Variants in ZNF536 observed in about 807,000 individuals in gnomAD.
The protein encoded by ZNF536 is zinc finger protein 536.
A neutral mutation model predicts 84.5 loss-of-function variants in ZNF536; 13 were observed. The ratio of observed to expected loss-of-function variants is 0.15; its 90% CI spans 0.10 to 0.24. The LOEUF (loss-of-function observed/expected upper bound fraction) is 0.24, where lower values mean the gene tolerates loss of function less well. Among genes scored for constraint, ZNF536 ranks in the 10% least tolerant of loss-of-function variants. The pLI is 1.00. For synonymous variants in ZNF536, 811 were observed against 742.5 expected (o/e 1.09, Z -1.50); for missense variants, 1,536 against 1,747.5 (o/e 0.88, Z 2.16).
At chr19:30,264,591 AT>A (rs548468700) in intron 1 of ZNF536, among the ~76,000 whole-genome samples, 58 of 151,474 alleles carry the variant, frequency 3.8e-4, no homozygotes, top group African/African-American at 9.2e-4. Flanking sequence ...TTTGCGATTA[AT>A]TTTTTTTTGA....
rs139942572 is a variant in ZNF536, at chr19:30,447,147, G to A, written c.2170+1415G>A. Among the ~76,000 whole-genome samples the A allele has an allele frequency of 3.9e-5, 6 of 152,304 alleles. No individual in the cohort carries two copies. In the East Asian group the frequency reaches 1.2e-3, roughly 29 times the overall value. Reference sequence around the variant, plus strand: ...CACTGCCTTGCCCACTGTTAAAGACGTAGCAGCACCCTGTTGAGGGTCATT... The same window carrying A: ...CACTGCCTTGCCCACTGTTAAAGACATAGCAGCACCCTGTTGAGGGTCATT... On this transcript the variant is annotated intron_variant, in intron 2 of 4. Coordinates refer to ENST00000355537, the MANE Select transcript of ZNF536 (RefSeq NM_014717.3).
At chr19:30,513,960 C>G (rs2055525286) in intron 2 of ZNF536, among the ~76,000 whole-genome samples, 1 of 152,184 alleles carries the variant, frequency 6.6e-6, no homozygotes, top group South Asian at 2.1e-4. Context: ...TGGTGAGGGG[C>G]ACGTTGGGTG....
intron 3 of ZNF536, among the ~76,000 whole-genome samples, chr19:30,361,887 A>G (rs2048286053): frequency 6.6e-6 from 1 of 152,210 alleles, no homozygotes; most frequent in Non-Finnish European, 1.5e-5. Flanking sequence ...TTTGTTTGAC[A>G]TAAGACAAAG....
At chr19:30,441,384 C>A (rs1327737875) in intron 1 of ZNF536, among the ~76,000 whole-genome samples, 2 of 152,222 alleles carry the variant, frequency 1.3e-5, no homozygotes, top group Non-Finnish European at 2.9e-5. Context: ...AGAGAGGGTG[C>A]CAGACAGGGC....
At chr19:30,469,839 G>A (rs1040924820) in intron 2 of ZNF536, among the ~76,000 whole-genome samples, 9 of 152,116 alleles carry the variant, frequency 5.9e-5, no homozygotes, top group African/African-American at 2.2e-4. Flanking sequence ...CTCGGTGCAG[G>A]TTGTAGAGGG....
At chr19:30,376,387 C>A (rs999319567) in intron 1 of ZNF536, among the ~76,000 whole-genome samples, 1 of 152,170 alleles carries the variant, frequency 6.6e-6, no homozygotes, top group African/African-American at 2.4e-5. Flanking sequence ...CATAGAGGTG[C>A]CTTGCCATTT....
intron 2 of ZNF536, among the ~76,000 whole-genome samples, chr19:30,308,358 T>G (rs1174206302): frequency 4.6e-5 from 7 of 152,218 alleles, no homozygotes; most frequent in African/African-American, 1.7e-4. Context: ...AACATTTTTT[T>G]TTTCATGTGA....
At chr19:30,363,924 T>C (rs779174612) in intron 3 of ZNF536, among the ~76,000 whole-genome samples, 9 of 152,044 alleles carry the variant, frequency 5.9e-5, no homozygotes, top group Non-Finnish European at 1.0e-4. Flanking sequence ...TTTGCAGATT[T>C]AGGAGGGGGA....
At chr19:30,596,861 A>AG (rs2047483521) in intron 1 of ZNF536, among the ~76,000 whole-genome samples, 1 of 151,028 alleles carries the variant, frequency 6.6e-6, no homozygotes, top group Non-Finnish European at 1.5e-5. Context: ...TTTTAGCTAA[A>AG]AAAAAAAAAA....
At position 30,444,132 on chromosome 19, in the gene ZNF536, G is replaced by T. The variant is rs764660596; in HGVS notation, c.570G>T (p.Gly190=). 61 of 1,607,414 alleles carry T rather than the reference G, an allele frequency of 3.8e-5. No homozygotes were observed. The highest frequency in any genetic ancestry group is 4.9e-5 in the Non-Finnish European group (58 of 1,177,468). ...TGGGCAACCTGGGCAAGGGGCGTGGGCGTGTGCGCGAGGAGAACCGCCTGC... is the reference window on the plus strand; with the variant it reads ...TGGGCAACCTGGGCAAGGGGCGTGGTCGTGTGCGCGAGGAGAACCGCCTGC... ...HKLGNLGKGR[G]RVREENRLLH... The change falls in exon 2 of 5, where the codon GGG becomes GGT. Residue 190 remains glycine (G), a synonymous_variant. Transcript: ENST00000355537.
At chr19:30,670,898 T>A (rs1187480095) in intron 1 of ZNF536, among the ~76,000 whole-genome samples, 1 of 152,222 alleles carries the variant, frequency 6.6e-6, no homozygotes, top group Non-Finnish European at 1.5e-5. Flanking sequence ...GATGAATGAT[T>A]GCCCATTTCA....
intron 2 of ZNF536, among the ~76,000 whole-genome samples, chr19:30,331,583 C>T (rs2047213523): frequency 1.3e-5 from 2 of 152,162 alleles, no homozygotes; most frequent in African/African-American, 2.4e-5. Context: ...CAAGGTCATG[C>T]ATCCAACAGG....
intron 1 of ZNF536, among the ~76,000 whole-genome samples, chr19:30,568,084 A>G (rs2146513969): frequency 6.6e-6 from 1 of 152,360 alleles, no homozygotes; most frequent in Admixed American, 6.5e-5. Flanking sequence ...AGATGTACAA[A>G]TTAGGTATTA....
chr19:30,253,769 C>A (rs2024752988), intron 1 of ZNF536, among the ~76,000 whole-genome samples: 3 of 152,006 alleles, frequency 2.0e-5, no homozygotes, highest in Admixed American at 6.6e-5. Context: ...TGAGTCACGG[C>A]TGCGCTTTGA....
At chr19:30,242,021 G>A (rs2023973639) in intron 1 of ZNF536, among the ~76,000 whole-genome samples, 1 of 152,098 alleles carries the variant, frequency 6.6e-6, no homozygotes, top group Admixed American at 6.5e-5. Flanking sequence ...TGGGGAAGGG[G>A]ACATCTAGTT....
At chr19:30,431,727 C>A (rs1216673223) in intron 1 of ZNF536, among the ~76,000 whole-genome samples, 2 of 152,176 alleles carry the variant, frequency 1.3e-5, no homozygotes, top group African/African-American at 4.8e-5. Flanking sequence ...GATGTCTATT[C>A]CCTGGCTGCT....
chr19:30,236,534 G>A lies in ZNF536; in HGVS notation c.-190+7861G>A, dbSNP rs1042754560. 2.7e-4 allele frequency among the ~76,000 whole-genome samples: 36 copies of A among 135,056 alleles called. 1 individual carries two copies. The highest frequency in any genetic ancestry group is 3.4e-4 in the Non-Finnish European group (20 of 58,972). The allele number at this position is 135,056 out of a possible 152,430, so 88.6% of individuals were successfully genotyped here. On this transcript the variant is annotated intron_variant, in intron 1 of 5. Transcript: ENST00000585628. ...AGCTTTTGTTAAAGTTGGGGCGGGG[G>A]GGGGGTACAATTGGAATTTTAGTTC...
intron 1 of ZNF536, among the ~76,000 whole-genome samples, chr19:30,434,102 T>C (rs1266441166): frequency 1.3e-5 from 2 of 152,200 alleles, no homozygotes; most frequent in African/African-American, 2.4e-5. Context: ...GAGCAGGCAA[T>C]TGGATTCATG....
intron 2 of ZNF536, among the ~76,000 whole-genome samples, chr19:30,449,882 G>A (rs1018554906): frequency 6.6e-6 from 1 of 152,114 alleles, no homozygotes; most frequent in Non-Finnish European, 1.5e-5. Context: ...GGGCGCTTTC[G>A]CATTTACATG....
Sources: gnomAD v4.1 joint callset for allele counts (sites outside exome capture counted in the v4.1 genomes callset) on GRCh38, gnomAD v4.1.1 for gene constraint, MANE v1.5 for transcripts, NCBI Gene and HGNC (gene_info 2026-07-23, HGNC 2026-07-21) for gene names.